Variants in LARGE1 observed in about 807,000 individuals in gnomAD.
LARGE1 encodes LARGE xylosyl- and glucuronyltransferase 1.
LARGE1 carries 43 observed loss-of-function variants against 87.6 expected under a neutral mutation model. That is an observed-to-expected ratio of 0.49 (90% CI 0.38 to 0.63). The LOEUF (loss-of-function observed/expected upper bound fraction) is 0.63. Among genes scored for constraint, LARGE1 ranks in the 30% least tolerant of loss-of-function variants. The pLI is 0.00. For synonymous variants in LARGE1, 434 were observed against 394.6 expected (o/e 1.10, Z -1.18); for missense variants, 802 against 1,000.2 (o/e 0.80, Z 2.67).
At chr22:33,708,316 G>A (rs2082623075) in intron 2 of LARGE1, among the ~76,000 whole-genome samples, 1 of 152,110 alleles carries the variant, frequency 6.6e-6, no homozygotes, top group Non-Finnish European at 1.5e-5. Context: ...CACTGAGGCT[G>A]TCTATGGGGA....
chr22:33,609,048 T>C (rs1302744813), intron 4 of LARGE1, among the ~76,000 whole-genome samples: 4 of 152,238 alleles, frequency 2.6e-5, no homozygotes, highest in Non-Finnish European at 5.9e-5. Flanking sequence ...TTTGATGAAG[T>C]ATTTTCAATT....
intron 1 of LARGE1, among the ~76,000 whole-genome samples, chr22:33,896,135 T>G (rs923201825): frequency 2.6e-5 from 4 of 152,202 alleles, no homozygotes; most frequent in Non-Finnish European, 4.4e-5. Flanking sequence ...TTACTTTCTG[T>G]CTCTACAAAT....
intron 11 of LARGE1, among the ~76,000 whole-genome samples, chr22:33,250,556 T>C (rs1926966863): frequency 6.6e-6 from 1 of 152,216 alleles, no homozygotes; most frequent in African/African-American, 2.4e-5. Flanking sequence ...AGTATGATGC[T>C]GAAAAGTAGT....
intron 2 of LARGE1, among the ~76,000 whole-genome samples, chr22:33,730,698 CT>C (rs922511311): frequency 1.1e-4 from 17 of 151,250 alleles, no homozygotes; most frequent in South Asian, 2.1e-4. Context: ...ATTATAATTA[CT>C]TTTTTTTTGA....
chr22:33,177,896 C>T (rs2146155983), intron 11 of LARGE1, among the ~76,000 whole-genome samples: 1 of 152,240 alleles, frequency 6.6e-6, no homozygotes, highest in South Asian at 2.1e-4. Context: ...TCGTGGTAGT[C>T]AGTGAGTTCT....
At chr22:33,317,050 C>T (rs1188240568) in intron 10 of LARGE1, among the ~76,000 whole-genome samples, 2 of 151,936 alleles carry the variant, frequency 1.3e-5, no homozygotes, top group East Asian at 1.9e-4. Flanking sequence ...CCTGTCTCCA[C>T]AAAAAATACA....
intron 6 of LARGE1, among the ~76,000 whole-genome samples, chr22:33,435,062 C>T (rs540944720): frequency 1.4e-4 from 21 of 152,258 alleles, no homozygotes; most frequent in South Asian, 4.1e-4. Context: ...GTGCAAATGG[C>T]GCCATCTCGG....
At chr22:33,754,964 AC>A (rs1319789273) in intron 2 of LARGE1, among the ~76,000 whole-genome samples, 2 of 152,082 alleles carry the variant, frequency 1.3e-5, no homozygotes, top group Non-Finnish European at 2.9e-5. Context: ...GTCTGGACAA[AC>A]CCTCCTTGGA....
chr22:33,081,424 A>G, the LARGE1 span, among the ~76,000 whole-genome samples: 1 of 152,206 alleles, frequency 6.6e-6, no homozygotes, highest in Non-Finnish European at 1.5e-5. Flanking sequence ...GAGGAGAAAG[A>G]ATGATAAGTA....
intron 1 of LARGE1, among the ~76,000 whole-genome samples, chr22:33,892,808 G>GT (rs2065037516): frequency 6.6e-6 from 1 of 152,208 alleles, no homozygotes; most frequent in African/African-American, 2.4e-5. Flanking sequence ...TCAAAAATGT[G>GT]TATGTTCACA....
chr22:33,542,162 CAAAAA>C (rs150998193), intron 6 of LARGE1, among the ~76,000 whole-genome samples: 1 of 92,696 alleles, frequency 1.1e-5, no homozygotes, highest in African/African-American at 4.1e-5. Context: ...AACTCTGTCT[CAAAAA>C]AAAAAAAAAA....
At chr22:33,378,080 T>G (rs1334993244) in intron 9 of LARGE1, among the ~76,000 whole-genome samples, 1 of 152,342 alleles carries the variant, frequency 6.6e-6, no homozygotes, top group East Asian at 1.9e-4. Context: ...GGTAGCTTAC[T>G]TCCTTGTGTG....
At chr22:33,436,280 A>G (rs2067268165) in intron 6 of LARGE1, among the ~76,000 whole-genome samples, 1 of 152,204 alleles carries the variant, frequency 6.6e-6, no homozygotes, top group African/African-American at 2.4e-5. Context: ...CTGGAACTCT[A>G]AGCACTGTAC....
At chr22:33,344,582 C>T (rs1341379308) in intron 9 of LARGE1, among the ~76,000 whole-genome samples, 1 of 152,170 alleles carries the variant, frequency 6.6e-6, no homozygotes, top group African/African-American at 2.4e-5. Flanking sequence ...TGGGCCACTG[C>T]TCTTTCCACT....
rs2267244 is a variant in LARGE1, at chr22:33,637,883, G to C, written c.409-11557C>G. On this transcript the variant is annotated intron_variant, in intron 3 of 14. Coordinates refer to ENST00000397394, the MANE Select transcript of LARGE1 (RefSeq NM_133642.5). ...AATGCTTGACATTTTAAGTTGTTAAGTTTTGAGGGTACCTGGCTATGTAGC... is the reference window on the plus strand; with the variant it reads ...AATGCTTGACATTTTAAGTTGTTAACTTTTGAGGGTACCTGGCTATGTAGC... Among the ~76,000 whole-genome samples the C allele has an allele frequency of 8.3e-4, 126 of 152,290 alleles. 1 individual carries two copies. In the East Asian group the frequency reaches 0.023, roughly 28 times the overall value.
intron 7 of LARGE1, among the ~76,000 whole-genome samples, chr22:33,399,770 G>A (rs1396755002): frequency 1.1e-4 from 17 of 152,156 alleles, no homozygotes; most frequent in African/African-American, 3.9e-4. Flanking sequence ...GGATGGTCTC[G>A]ATCTCCTGAC....
intron 4 of LARGE1, among the ~76,000 whole-genome samples, chr22:33,615,558 T>G (rs895011180): frequency 6.6e-6 from 1 of 151,938 alleles, no homozygotes; most frequent in Non-Finnish European, 1.5e-5. Context: ...GGTGGCCATC[T>G]GCAAACCAGG....
intron 1 of LARGE1, among the ~76,000 whole-genome samples, chr22:33,904,446 G>A (rs183713407): frequency 1.6e-4 from 24 of 152,254 alleles, no homozygotes; most frequent in African/African-American, 4.6e-4. Flanking sequence ...GAGCCACCGC[G>A]CCTGGCCACA....
intron 11 of LARGE1, among the ~76,000 whole-genome samples, chr22:33,168,457 A>T (rs1015740): frequency 2.0e-5 from 3 of 152,036 alleles, no homozygotes; most frequent in African/African-American, 7.2e-5. Flanking sequence ...TTTCAGTACC[A>T]GAAGTCAAAT....
Sources: allele counts gnomAD v4.1 joint callset (sites outside exome capture counted in the v4.1 genomes callset), GRCh38; gene constraint gnomAD v4.1.1; transcripts MANE v1.5; gene names NCBI Gene and HGNC (gene_info 2026-07-23, HGNC 2026-07-21).